MCTP1: variants seen among roughly 807,000 people sequenced by gnomAD.
The protein encoded by MCTP1 is multiple C2 and transmembrane domain-containing protein 1.
MCTP1 carries 69 observed loss-of-function variants against 120.6 expected under a neutral mutation model. The ratio of observed to expected loss-of-function variants is 0.57; its 90% CI spans 0.47 to 0.70. MCTP1 has a LOEUF of 0.70. MCTP1 is among the 30% of genes least tolerant of loss of function. The pLI is 0.00. For missense variants in MCTP1, 1,203 were observed against 1,248.8 expected (o/e 0.96, Z 0.55); for synonymous variants, 529 against 493.1 (o/e 1.07, Z -0.96).
chr5:94,819,804 C>T (rs2153097726), intron 17 of MCTP1, among the ~76,000 whole-genome samples: 1 of 152,330 alleles, frequency 6.6e-6, no homozygotes, highest in East Asian at 1.9e-4. Flanking sequence ...ACTCCTGCAG[C>T]TTTTAGGAAA....
chr5:94,946,386 T>C (rs894018415), intron 3 of MCTP1, among the ~76,000 whole-genome samples: 1 of 152,152 alleles, frequency 6.6e-6, no homozygotes, highest in Non-Finnish European at 1.5e-5. Flanking sequence ...GCTTAATGGC[T>C]AGCATAGGTT....
intron 1 of MCTP1, among the ~76,000 whole-genome samples, chr5:95,083,519 G>A (rs1360735660): frequency 6.6e-6 from 1 of 152,182 alleles, no homozygotes; most frequent in Non-Finnish European, 1.5e-5. Flanking sequence ...CGCTGGTCTA[G>A]TAAGCATGCC....
intron 1 of MCTP1, among the ~76,000 whole-genome samples, chr5:95,086,539 A>G (rs915081193): frequency 9.2e-5 from 14 of 152,210 alleles, no homozygotes; most frequent in African/African-American, 3.1e-4. Context: ...AAAGTGGTCA[A>G]ATTTGAGGTA....
At chr5:94,798,064 A>C (rs1345081720) in intron 18 of MCTP1, among the ~76,000 whole-genome samples, 1 of 151,238 alleles carries the variant, frequency 6.6e-6, no homozygotes, top group Non-Finnish European at 1.5e-5. Flanking sequence ...ATCTATTATA[A>C]TCTACAGATC....
At chr5:94,936,072 T>A (rs1816119790) in intron 5 of MCTP1, among the ~76,000 whole-genome samples, 1 of 152,090 alleles carries the variant, frequency 6.6e-6, no homozygotes, top group South Asian at 2.1e-4. Context: ...GGGTTTATAA[T>A]TTATTGTCAT....
intron 1 of MCTP1, among the ~76,000 whole-genome samples, chr5:95,255,574 G>A (rs541164195): frequency 2.0e-4 from 30 of 152,250 alleles, no homozygotes; most frequent in East Asian, 5.8e-4. Flanking sequence ...ATGAATAGGC[G>A]AAGGTTACAG....
intron 1 of MCTP1, among the ~76,000 whole-genome samples, chr5:95,124,314 C>T (rs1288094784): frequency 1.3e-5 from 2 of 152,186 alleles, no homozygotes; most frequent in South Asian, 4.1e-4. Context: ...TAAAGATGAG[C>T]GAGCTGACAG....
At chr5:95,019,298 A>G (rs1486985539) in intron 1 of MCTP1, among the ~76,000 whole-genome samples, 1 of 152,024 alleles carries the variant, frequency 6.6e-6, no homozygotes, top group African/African-American at 2.4e-5. Context: ...GAGGACATTG[A>G]AGCGAATTTC....
At chr5:94,799,168 A>C in intron 17 of MCTP1, 36 bp from the exon 18 acceptor site, 1 of 1,592,554 alleles carries the variant, frequency 6.3e-7, no homozygotes, top group Non-Finnish European at 8.5e-7. Flanking sequence ...GGGATGAGTC[A>C]ACACTGAATT....
intron 19 of MCTP1, among the ~76,000 whole-genome samples, chr5:94,736,985 T>A (rs1279913593): frequency 6.6e-6 from 1 of 152,222 alleles, no homozygotes; most frequent in Non-Finnish European, 1.5e-5. Flanking sequence ...TATAGTCAAG[T>A]GAAATTTTTC....
At chr5:94,911,111 C>T (rs936034785) in intron 9 of MCTP1, among the ~76,000 whole-genome samples, 1 of 152,128 alleles carries the variant, frequency 6.6e-6, no homozygotes, top group African/African-American at 2.4e-5. Context: ...TTTTTAACTA[C>T]CTTAAGTACT....
At chr5:94,828,886 G>A (rs1003944329) in intron 17 of MCTP1, among the ~76,000 whole-genome samples, 3 of 152,302 alleles carry the variant, frequency 2.0e-5, no homozygotes, top group African/African-American at 4.8e-5. Flanking sequence ...ACTGGTCTCC[G>A]TGGGATCCAC....
At chr5:94,712,432 A>G (rs1236386860) in intron 20 of MCTP1, among the ~76,000 whole-genome samples, 1 of 149,286 alleles carries the variant, frequency 6.7e-6, no homozygotes, top group East Asian at 2.0e-4. Context: ...TTTTTTTTTC[A>G]GGGCAATTTT....
intron 17 of MCTP1, among the ~76,000 whole-genome samples, chr5:94,864,896 C>A (rs1395945491): frequency 1.3e-5 from 2 of 151,808 alleles, no homozygotes; most frequent in Non-Finnish European, 2.9e-5. Context: ...CACTGACATC[C>A]ACAAGAACAC....
intron 1 of MCTP1, among the ~76,000 whole-genome samples, chr5:95,122,798 T>C (rs953545367): frequency 6.6e-6 from 1 of 152,216 alleles, no homozygotes; most frequent in African/African-American, 2.4e-5. Flanking sequence ...CATATACACA[T>C]AGAGTACTAT....
chr5:94,988,343 C>T (rs991055865), intron 2 of MCTP1, among the ~76,000 whole-genome samples: 1 of 151,810 alleles, frequency 6.6e-6, no homozygotes, highest in Non-Finnish European at 1.5e-5. Flanking sequence ...TACAAAGCTT[C>T]ACAGAATAGC....
chr5:95,007,868 A>G (rs1835082609), intron 2 of MCTP1, among the ~76,000 whole-genome samples: 1 of 152,218 alleles, frequency 6.6e-6, no homozygotes, highest in African/African-American at 2.4e-5. Context: ...TCAGACTCAC[A>G]GAGTAGACTT....
At chr5:94,916,176 T>C (rs145304190) in intron 8 of MCTP1, among the ~76,000 whole-genome samples, 1 of 152,328 alleles carries the variant, frequency 6.6e-6, no homozygotes, top group East Asian at 1.9e-4. Context: ...CTGTTAAATA[T>C]TTAGTCTATG....
chr5:94,795,478 AG>A (rs1383305458), intron 18 of MCTP1, among the ~76,000 whole-genome samples: 1 of 152,232 alleles, frequency 6.6e-6, no homozygotes, highest in Non-Finnish European at 1.5e-5. Flanking sequence ...GTCTCTCTAC[AG>A]TAACTGTAAT....
Sources: gnomAD v4.1 joint callset for allele counts (sites outside exome capture counted in the v4.1 genomes callset) on GRCh38, gnomAD v4.1.1 for gene constraint, MANE v1.5 for transcripts, NCBI Gene and HGNC (gene_info 2026-07-23, HGNC 2026-07-21) for gene names.